RBFOX1: variants seen among roughly 807,000 people sequenced by gnomAD.
RBFOX1 encodes RNA binding fox-1 homolog 1, also known as RNA binding protein fox-1 homolog 1.
RBFOX1 carries 8 observed loss-of-function variants against 57.7 expected under a neutral mutation model. That is an observed-to-expected ratio of 0.14 (90% confidence interval 0.08 to 0.25). RBFOX1 has a LOEUF of 0.25. RBFOX1 is among the 10% of genes least tolerant of loss of function. The pLI, the probability that RBFOX1 is intolerant of heterozygous loss-of-function variation, is 1.00. For synonymous variants in RBFOX1, 326 were observed against 222.4 expected (o/e 1.47, Z -4.15); for missense variants, 611 against 548.5 (o/e 1.11, Z -1.14).
intron 3 of RBFOX1, among the ~76,000 whole-genome samples, chr16:6,899,519 A>G (rs564892454): frequency 1.6e-4 from 24 of 152,168 alleles, no homozygotes; most frequent in Non-Finnish European, 3.2e-4. Context: ...GTGGAAAGGA[A>G]TGAGTTTATA....
Position 7,052,045 on chromosome 16 carries a change from T to A in RBFOX1, c.-15-12T>A, listed in dbSNP as rs574533016. On this transcript the variant is annotated splice_polypyrimidine_tract_variant and intron_variant, in intron 3 of 15. Coordinates refer to ENST00000550418, the MANE Select transcript of RBFOX1 (RefSeq NM_018723.4). ...CTTCTGACTTTTCCCCTTCATTTTC[T>A]TTTCTTTCTAGGTTTCAAGACAACA... 1.1e-5 allele frequency: 17 copies of A among 1,612,216 alleles called. No individual in the cohort carries two copies. In the Admixed American group the frequency reaches 1.3e-4, roughly 13 times the overall value.
At chr16:7,209,003 T>C (rs1173189271) in intron 4 of RBFOX1, among the ~76,000 whole-genome samples, 1 of 152,010 alleles carries the variant, frequency 6.6e-6, no homozygotes, top group African/African-American at 2.4e-5. Context: ...GTGTCCAAAA[T>C]TTCCTTTTCA....
intron 1 of RBFOX1, among the ~76,000 whole-genome samples, chr16:6,048,860 G>A (rs562930819): frequency 2.6e-5 from 4 of 152,090 alleles, no homozygotes; most frequent in East Asian, 3.9e-4. Flanking sequence ...GTTTCATAAG[G>A]GCATGGAATA....
intron 1 of RBFOX1, among the ~76,000 whole-genome samples, chr16:6,316,268 C>G (rs2081113693): frequency 6.6e-6 from 1 of 152,178 alleles, no homozygotes; most frequent in African/African-American, 2.4e-5. Context: ...TTTCAACTCA[C>G]TGAACTATAG....
At chr16:5,430,358 C>G (rs192137275) in intron 1 of RBFOX1, among the ~76,000 whole-genome samples, 144 of 152,234 alleles carry the variant, frequency 9.5e-4, no homozygotes, top group African/African-American at 3.3e-3. Flanking sequence ...ATTGCATGTG[C>G]AAAGGCCCTG....
chr16:5,972,168 C>G (rs1379142055), intron 4 of RBFOX1, among the ~76,000 whole-genome samples: 1 of 152,138 alleles, frequency 6.6e-6, no homozygotes, highest in Non-Finnish European at 1.5e-5. Flanking sequence ...ATTGTGTGAG[C>G]CAATTCCTTA....
chr16:5,940,247 T>G (rs1026694838), intron 4 of RBFOX1, among the ~76,000 whole-genome samples: 1 of 152,206 alleles, frequency 6.6e-6, no homozygotes, highest in Non-Finnish European at 1.5e-5. Context: ...GCAAGTCACT[T>G]TCTACTTCTG....
intron 3 of RBFOX1, chr16:6,704,224 T>C (rs1470225602): frequency 6.6e-6 from 1 of 152,216 alleles, no homozygotes; most frequent in Non-Finnish European, 1.5e-5. Context: ...TGCCTAACTT[T>C]CACGCAGCTA....
chr16:6,507,215 C>G (rs188276123), intron 2 of RBFOX1, among the ~76,000 whole-genome samples: 129 of 152,262 alleles, frequency 8.5e-4, no homozygotes, highest in Non-Finnish European at 1.7e-3. Context: ...TTCCTCCAAT[C>G]CATTATACAC....
intron 4 of RBFOX1, among the ~76,000 whole-genome samples, chr16:7,065,441 T>C (rs1165324236): frequency 2.0e-5 from 3 of 152,146 alleles, no homozygotes; most frequent in South Asian, 2.1e-4. Context: ...TGCTCCATGG[T>C]TTTGCATGGG....
At chr16:6,300,204 G>C (rs980469133) in intron 1 of RBFOX1, among the ~76,000 whole-genome samples, 1 of 152,126 alleles carries the variant, frequency 6.6e-6, no homozygotes, top group Non-Finnish European at 1.5e-5. Context: ...GGAGGAAATG[G>C]GGAGATGATC....
chr16:7,517,793 C>T (rs961268398), intron 4 of RBFOX1, among the ~76,000 whole-genome samples: 2 of 136,246 alleles, frequency 1.5e-5, no homozygotes, highest in Admixed American at 7.5e-5. Flanking sequence ...TCACAGCTTC[C>T]AAAATGGGAA....
chr16:6,211,597 A>G (rs1233693907), intron 1 of RBFOX1, among the ~76,000 whole-genome samples: 1 of 152,116 alleles, frequency 6.6e-6, no homozygotes, highest in Non-Finnish European at 1.5e-5. Context: ...AAATTTGAAT[A>G]AGGGTAGCTT....
intron 4 of RBFOX1, among the ~76,000 whole-genome samples, chr16:7,300,524 C>A (rs960752551): frequency 6.6e-6 from 1 of 152,148 alleles, no homozygotes; most frequent in Admixed American, 6.5e-5. Context: ...TGAGCTAACC[C>A]CAGTATAGAT....
At chr16:6,821,141 A>G (rs950144403) in intron 3 of RBFOX1, among the ~76,000 whole-genome samples, 5 of 152,174 alleles carry the variant, frequency 3.3e-5, no homozygotes, top group African/African-American at 1.2e-4. Context: ...ATTCAGTGCC[A>G]GGTTTATCTG....
chr16:6,208,005 T>C (rs377402225), intron 1 of RBFOX1, among the ~76,000 whole-genome samples: 3 of 152,198 alleles, frequency 2.0e-5, no homozygotes, highest in East Asian at 3.9e-4. Context: ...TTTTTATGTG[T>C]GTATATGTGT....
chr16:5,961,719 G>C (rs1445659999), intron 4 of RBFOX1, among the ~76,000 whole-genome samples: 1 of 151,988 alleles, frequency 6.6e-6, no homozygotes, highest in African/African-American at 2.4e-5. Flanking sequence ...GTAGAGATGA[G>C]GTTTTGCTTT....
chr16:6,754,027 G>A (rs1568468218), intron 3 of RBFOX1, among the ~76,000 whole-genome samples: 1 of 152,068 alleles, frequency 6.6e-6, no homozygotes, highest in Admixed American at 6.6e-5. Context: ...CTCTTGCTGA[G>A]TAGTTTATCC....
chr16:6,770,402 T>C (rs1271771498), intron 3 of RBFOX1, among the ~76,000 whole-genome samples: 2 of 152,172 alleles, frequency 1.3e-5, no homozygotes, highest in South Asian at 4.1e-4. Context: ...TTATTATTAT[T>C]TCTGTAATAA....
Sources: allele counts gnomAD v4.1 joint callset (sites outside exome capture counted in the v4.1 genomes callset), GRCh38; gene constraint gnomAD v4.1.1; transcripts MANE v1.5; gene names NCBI Gene and HGNC (gene_info 2026-07-23, HGNC 2026-07-21).